Variants in LDLRAD2 observed in about 807,000 individuals in gnomAD.
The protein encoded by LDLRAD2 is low-density lipoprotein receptor class A domain-containing protein 2.
A neutral mutation model predicts 24.9 loss-of-function variants in LDLRAD2; 25 were observed. The ratio of observed to expected loss-of-function variants is 1.00; its 90% confidence interval spans 0.73 to 1.40. The LOEUF (loss-of-function observed/expected upper bound fraction) is 1.40, where lower values mean the gene tolerates loss of function less well. Ranked by LOEUF, LDLRAD2 falls within the 40% of genes most tolerant of loss-of-function variation. The pLI is 0.00. For synonymous variants in LDLRAD2, 182 were observed against 166.7 expected, an observed-to-expected ratio of 1.09 and a Z score of -0.71; for missense variants, 391 against 366.2, an observed-to-expected ratio of 1.07 and a Z score of -0.55.
At chr1:21,814,948 A>T (rs1394467546) in intron 2 of LDLRAD2, 125 bp downstream of exon 2, 1 of 939,978 alleles carries the variant, frequency 1.1e-6, no homozygotes. Context: ...GAAGCACAAG[A>T]TGGCAGGGAC....
chr1:21,821,340 G>A, intron 3 of LDLRAD2, 110 bp from the exon 4 acceptor site: 1 of 1,412,196 alleles, frequency 7.1e-7, no homozygotes, highest in Non-Finnish European at 9.8e-7. Context: ...TCTGTAAAAT[G>A]GAAACACAGA....
At position 21,823,029 on chromosome 1, in the gene LDLRAD2, G is replaced by C. The variant is rs970164940; in HGVS notation, c.*814G>C. 5 of 326,156 alleles carry C rather than the reference G, an allele frequency of 1.5e-5. No individual in the cohort carries two copies. The highest frequency in any genetic ancestry group is 6.5e-5 in the African/African-American group (3 of 46,346). 20.2% of individuals were successfully genotyped at this position (326,156 alleles called of 1,614,324 possible). On this transcript the variant is annotated 3_prime_UTR_variant, in exon 5 of 5. Transcript: ENST00000344642. ...GGCTCCATCGGTGGGTAGGGGGACA[G>C]TGGGGGCAGTTCTGGGCCCACCCAG...
At chr1:21,814,351 T>A in intron 1 of LDLRAD2, 47 bp from the exon 2 acceptor site, 1 of 1,482,910 alleles carries the variant, frequency 6.7e-7, no homozygotes, top group Non-Finnish European at 9.0e-7. Flanking sequence ...CAGAGTAGAG[T>A]TCGGGGTCGC....
At chr1:21,822,133 G>A in intron 4 of LDLRAD2, 69 bp from the exon 5 acceptor site, 2 of 1,613,266 alleles carry the variant, frequency 1.2e-6, no homozygotes, top group Non-Finnish European at 1.7e-6. Flanking sequence ...GGGCCTGGGG[G>A]CCTCGCTGAT....
intron 2 of LDLRAD2, 151 bp from the exon 3 acceptor site, chr1:21,815,792 C>G (rs115649890): frequency 7.0e-6 from 6 of 861,514 alleles, no homozygotes; most frequent in Non-Finnish European, 1.1e-5. Flanking sequence ...ACCCTCCTCC[C>G]CATGAAACAC....
chr1:21,816,062 GCTGA>G lies in LDLRAD2; in HGVS notation c.635_638del (p.Asp212AlafsTer22), dbSNP rs2097943622. Reference sequence around the variant, plus strand: ...CAGTGACCAGGGCTCCTGGTCACCAGCTGACTGCAGAGGTCAGTGCGGGGTGTGG... The same window carrying G: ...CAGTGACCAGGGCTCCTGGTCACCAGCTGCAGAGGTCAGTGCGGGGTGTGG... On this transcript the variant is annotated frameshift_variant, in exon 3 of 5. Transcript: ENST00000344642. LOFTEE classifies it high-confidence loss of function. 2 of 1,613,136 alleles carry G rather than the reference GCTGA, an allele frequency of 1.2e-6. No homozygotes were observed.
chr1:21,821,442 C>T lies in LDLRAD2; in HGVS notation c.644-8C>T, dbSNP rs2097951739. 1 of 1,613,972 alleles carries T rather than the reference C, an allele frequency of 6.2e-7. No individual in the cohort carries two copies. The highest frequency in any genetic ancestry group is 1.7e-5 in the Admixed American group (1 of 60,002). Reference sequence around the variant, plus strand: ...CTCAGTGTGCTAGTTCTGTTCTTTCCCATGCAGGTCCCTCTCCGGTGCCCA... The same window carrying T: ...CTCAGTGTGCTAGTTCTGTTCTTTCTCATGCAGGTCCCTCTCCGGTGCCCA... On this transcript the variant is annotated splice_region_variant and splice_polypyrimidine_tract_variant and intron_variant, in intron 3 of 4. Coordinates refer to ENST00000344642, the MANE Select transcript of LDLRAD2 (RefSeq NM_001013693.3).
chr1:21,818,278 C>T (rs560169259), intron 3 of LDLRAD2, among the ~76,000 whole-genome samples: 3 of 152,190 alleles, frequency 2.0e-5, no homozygotes, highest in Non-Finnish European at 4.4e-5. Context: ...TCCCAAAGTG[C>T]TGGGATTACA....
rs548350874 is a variant in LDLRAD2, at chr1:21,818,303, C to T, written c.643+2229C>T. ...CTGGGATTACAGGCGTGAGCCTCCG[C>T]ACCCGGCCTCATGTTACATTCATTA... On this transcript the variant is annotated intron_variant, in intron 3 of 4. Coordinates refer to ENST00000344642, the MANE Select transcript of LDLRAD2 (RefSeq NM_001013693.3). Among the ~76,000 whole-genome samples, 1,267 of 152,298 alleles carry T rather than the reference C, an allele frequency of 8.3e-3. 9 individuals are homozygous for T. The highest frequency in any genetic ancestry group is 0.012 in the South Asian group (60 of 4,832).
intron 1 of LDLRAD2, among the ~76,000 whole-genome samples, 175 bp downstream of exon 1, chr1:21,812,711 T>C (rs888768954): frequency 6.6e-6 from 1 of 152,218 alleles, no homozygotes; most frequent in African/African-American, 2.4e-5. Flanking sequence ...CCCAAAGCCT[T>C]CTGGAAGGCT....
chr1:21,814,907 C>T lies in LDLRAD2; in HGVS notation c.511+84C>T, dbSNP rs542686489. The T allele has an allele frequency of 1.1e-5, 14 of 1,261,776 alleles. No homozygotes were observed. In the Admixed American group the frequency reaches 4.9e-4, roughly 44 times the overall value. The allele number at this position is 1,261,776 out of a possible 1,614,324, so 78.2% of individuals were successfully genotyped here. Reference sequence around the variant, plus strand: ...CCACAGTGGGGGCCCCGGTGAGGGCCGCTGCCGACAGGGGAATGGCAGGGG... The same window carrying T: ...CCACAGTGGGGGCCCCGGTGAGGGCTGCTGCCGACAGGGGAATGGCAGGGG... On this transcript the variant is annotated intron_variant, in intron 2 of 4. Coordinates refer to ENST00000344642, the MANE Select transcript of LDLRAD2 (RefSeq NM_001013693.3).
chr1:21,820,871 G>T (rs570037036), intron 3 of LDLRAD2, among the ~76,000 whole-genome samples: 1 of 152,168 alleles, frequency 6.6e-6, no homozygotes, highest in African/African-American at 2.4e-5. Flanking sequence ...CATAGGTAAC[G>T]GGCCCAGCAC....
Position 21,824,831 on chromosome 1 carries a change from C to T in LDLRAD2, c.*2616C>T. Reference sequence around the variant, plus strand: ...TACCTGCTGCATCAGGCATCAAAATCCCCCGTCAGTTCCCCTGACCCCCAC... The same window carrying T: ...TACCTGCTGCATCAGGCATCAAAATTCCCCGTCAGTTCCCCTGACCCCCAC... On this transcript the variant is annotated 3_prime_UTR_variant, in exon 5 of 5. Transcript: ENST00000344642. The surrounding 1 kb of genome is among the most constrained non-coding windows in gnomAD (Gnocchi z 5.9). 6.6e-7 allele frequency: 1 copy of T among 1,516,280 alleles called. No homozygotes were observed. The highest frequency in any genetic ancestry group is 9.0e-7 in the Non-Finnish European group (1 of 1,107,200). 93.9% of individuals were successfully genotyped at this position (1,516,280 alleles called of 1,614,324 possible). A position where few individuals can be genotyped will look rare whatever the true frequency, so the allele number is the denominator to read the frequency against.
intron 4 of LDLRAD2, 172 bp from the exon 5 acceptor site, chr1:21,822,029 CT>C (rs2097952899): frequency 1.4e-6 from 2 of 1,445,592 alleles, no homozygotes; most frequent in Non-Finnish European, 9.1e-7. Flanking sequence ...TTCTAACCCC[CT>C]GGCTCTCTGT....
In LDLRAD2 at chr1:21,823,554, G is replaced by T; in HGVS notation, c.*1339G>T. The T allele has an allele frequency of 6.2e-7, 1 of 1,607,592 alleles. No individual in the cohort carries two copies. Reference sequence around the variant, plus strand: ...GCCCAGGAGGCGAGGAAGGCTGGGCGAGCTCTAGCCCTAAGGGAGTGCCGT... The same window carrying T: ...GCCCAGGAGGCGAGGAAGGCTGGGCTAGCTCTAGCCCTAAGGGAGTGCCGT... On this transcript the variant is annotated 3_prime_UTR_variant, in exon 5 of 5. Coordinates refer to ENST00000344642, the MANE Select transcript of LDLRAD2 (RefSeq NM_001013693.3).
chr1:21,814,687 C>G lies in LDLRAD2; in HGVS notation c.375C>G (p.Pro125=). The G allele has an allele frequency of 6.4e-7, 1 of 1,573,804 alleles. No individual in the cohort carries two copies. The highest frequency in any genetic ancestry group is 8.6e-7 in the Non-Finnish European group (1 of 1,160,730). The part of the protein sequence containing the change: ...FYEGPPGAPR[P]LGSPLCGLNI... ...AGGGCCCGCCGGGGGCGCCCCGGCCCCTGGGGTCCCCACTGTGCGGCCTGA... is the reference window on the plus strand; with the variant it reads ...AGGGCCCGCCGGGGGCGCCCCGGCCGCTGGGGTCCCCACTGTGCGGCCTGA... Residue 125 remains proline, a synonymous_variant, in exon 2 of 5, where the codon CCC becomes CCG. Transcript: ENST00000344642.
At chr1:21,812,941 T>A (rs1279666667) in intron 1 of LDLRAD2, among the ~76,000 whole-genome samples, 1 of 152,250 alleles carries the variant, frequency 6.6e-6, no homozygotes, top group Non-Finnish European at 1.5e-5. Context: ...GGACTATGAT[T>A]ATTGGCATAT....
In LDLRAD2 at chr1:21,824,643, A is replaced by G. The variant is rs745806778; in HGVS notation, c.*2428A>G. 11 of 1,613,414 alleles carry G rather than the reference A, an allele frequency of 6.8e-6. No homozygotes were observed. In the East Asian group the frequency reaches 2.2e-4, roughly 33 times the overall value. On this transcript the variant is annotated 3_prime_UTR_variant, in exon 5 of 5. Coordinates refer to ENST00000344642, the MANE Select transcript of LDLRAD2 (RefSeq NM_001013693.3). The surrounding 1 kb of genome is among the most constrained non-coding windows in gnomAD (Gnocchi z 5.9). ...GCGGAGGAAGAGCGGGTGAGGGGACAGAAGTCCCAGATTCCCATCCTCCCC... is the reference window on the plus strand; with the variant it reads ...GCGGAGGAAGAGCGGGTGAGGGGACGGAAGTCCCAGATTCCCATCCTCCCC...
rs760742896 is a variant in LDLRAD2, at chr1:21,824,510, A to G, written c.*2295A>G. 6.2e-7 allele frequency: 1 copy of G among 1,612,060 alleles called. No homozygotes were observed. Among genetic ancestry groups the G allele is most frequent in the South Asian group, 1.1e-5 (1 of 91,040 alleles). On this transcript the variant is annotated 3_prime_UTR_variant, in exon 5 of 5. Coordinates refer to ENST00000344642, the MANE Select transcript of LDLRAD2 (RefSeq NM_001013693.3). The surrounding 1 kb of genome is among the most constrained non-coding windows in gnomAD (Gnocchi z 5.9). ...CCAGCTTCCTGCCCCAGGAGCCCCA[A>G]GAGCCCAGCCGGATACCCACACTCA...
Sources: gnomAD v4.1 joint callset for allele counts (sites outside exome capture counted in the v4.1 genomes callset) on GRCh38, gnomAD v4.1.1 for gene constraint, Gnocchi (gnomAD v3.1) non-coding constraint, MANE v1.5 for transcripts, NCBI Gene and HGNC (gene_info 2026-07-23, HGNC 2026-07-21) for gene names.